Variants in CASQ2 observed in about 807,000 individuals in gnomAD.
CASQ2 encodes calsequestrin 2.
Under a neutral mutation model 46.5 loss-of-function variants are expected in CASQ2, and 49 were observed. The ratio of observed to expected loss-of-function variants is 1.05; its 90% CI spans 0.84 to 1.34. CASQ2 has a LOEUF of 1.34. Ranked by LOEUF, CASQ2 falls within the 40% of genes most tolerant of loss-of-function variation. The probability of loss-of-function intolerance (pLI) is 0.00; values close to 1 mark genes in which losing one functional copy is unlikely to be tolerated. For missense variants in CASQ2, 486 were observed against 481.3 expected (o/e 1.01, Z -0.09); for synonymous variants, 174 against 168.5 (o/e 1.03, Z -0.25).
chr1:115,747,056 T>C (rs1016001315), intron 1 of CASQ2, among the ~76,000 whole-genome samples: 13 of 152,312 alleles, frequency 8.5e-5, no homozygotes, highest in African/African-American at 3.1e-4. Flanking sequence ...GTCCAAGAAC[T>C]CTTTGTCTAG....
chr1:115,737,935 G>T lies in CASQ2; in HGVS notation c.532+289C>A, dbSNP rs181575609. 4.1e-4 allele frequency among the ~76,000 whole-genome samples: 63 copies of T among 152,322 alleles called. 1 individual carries two copies. The East Asian group carries it at 0.011, about 27-fold the overall frequency. On this transcript the variant is annotated intron_variant, in intron 4 of 10. Coordinates refer to ENST00000261448, the MANE Select transcript of CASQ2 (RefSeq NM_001232.4). ...ATTGTAGGGGAGAATCCGACTGGGA[G>T]GTGGGTAGGCAGGAAAAGTGGAGAA...
chr1:115,760,080 C>A (rs12744662), intron 1 of CASQ2, among the ~76,000 whole-genome samples: 17,090 of 152,184 alleles, frequency 0.11, 1,068 homozygotes, highest in South Asian at 0.23. Flanking sequence ...CCCCGGGAGG[C>A]CTGGCTGAGT....
chr1:115,734,012 GCATGATAGTTGTTACAA>G (rs1183311312), intron 4 of CASQ2, among the ~76,000 whole-genome samples: 1 of 152,188 alleles, frequency 6.6e-6, no homozygotes, highest in African/African-American at 2.4e-5. Flanking sequence ...TCAAAATGCA[GCATGATAGTTGTTACAA>G]CAGAGGTGAG....
chr1:115,720,830 T>A (rs1647347883), intron 7 of CASQ2, among the ~76,000 whole-genome samples: 1 of 152,222 alleles, frequency 6.6e-6, no homozygotes, highest in Non-Finnish European at 1.5e-5. Flanking sequence ...TTAGCTTTTA[T>A]AACCTCATTG....
intron 2 of CASQ2, among the ~76,000 whole-genome samples, chr1:115,741,530 G>GGTA (rs1246122226): frequency 1.3e-5 from 2 of 152,104 alleles, no homozygotes; most frequent in Non-Finnish European, 2.9e-5. Context: ...GTTCTCTGAG[G>GGTA]GTAGGATCAT....
chr1:115,750,599 C>A (rs1169399892), intron 1 of CASQ2, among the ~76,000 whole-genome samples: 2 of 152,190 alleles, frequency 1.3e-5, no homozygotes, highest in African/African-American at 4.8e-5. Context: ...GCCTTGACCT[C>A]CCAGGTTCAA....
intron 10 of CASQ2, 75 bp downstream of exon 10, chr1:115,702,846 T>G: frequency 8.6e-7 from 1 of 1,168,560 alleles, no homozygotes; most frequent in Non-Finnish European, 1.3e-6. Context: ...ATAGATGCTC[T>G]CACAATCTAA....
chr1:115,705,498 G>T (rs1654332011), intron 8 of CASQ2, among the ~76,000 whole-genome samples: 1 of 152,174 alleles, frequency 6.6e-6, no homozygotes, highest in Admixed American at 6.5e-5. Context: ...TTGAACAAAG[G>T]ATTAAAAGTT....
At chr1:115,727,426 T>C (rs1189628939) in intron 5 of CASQ2, among the ~76,000 whole-genome samples, 1 of 152,228 alleles carries the variant, frequency 6.6e-6, no homozygotes, top group Non-Finnish European at 1.5e-5. Context: ...ACCATCACTC[T>C]ACTGCATTTG....
chr1:115,720,262 T>C (rs1341050711), intron 7 of CASQ2, among the ~76,000 whole-genome samples: 1 of 152,086 alleles, frequency 6.6e-6, no homozygotes, highest in Non-Finnish European at 1.5e-5. Context: ...AGATTTGGTG[T>C]CTCGCGAGGC....
chr1:115,752,772 T>G (rs1239540598), intron 1 of CASQ2, among the ~76,000 whole-genome samples: 1 of 152,106 alleles, frequency 6.6e-6, no homozygotes, highest in East Asian at 1.9e-4. Context: ...ATGACTAAGT[T>G]GTGTTTGGCA....
chr1:115,728,001 G>A (rs1570818661), intron 5 of CASQ2, among the ~76,000 whole-genome samples: 1 of 152,302 alleles, frequency 6.6e-6, no homozygotes, highest in East Asian at 1.9e-4. Flanking sequence ...CCTGGAATGT[G>A]CAACGCTCTA....
chr1:115,720,143 G>A (rs1034773972), intron 7 of CASQ2, among the ~76,000 whole-genome samples: 2 of 152,190 alleles, frequency 1.3e-5, no homozygotes, highest in African/African-American at 4.8e-5. Context: ...AAAGCCCACT[G>A]TCTTGGTTTA....
chr1:115,746,528 C>T (rs941187194), intron 1 of CASQ2, among the ~76,000 whole-genome samples: 3 of 152,100 alleles, frequency 2.0e-5, no homozygotes, highest in African/African-American at 4.8e-5. Flanking sequence ...GTCATTTTGA[C>T]GGGTATGTAG....
chr1:115,760,162 A>G (rs1307545905), intron 1 of CASQ2, among the ~76,000 whole-genome samples: 1 of 152,204 alleles, frequency 6.6e-6, no homozygotes, highest in Admixed American at 6.5e-5. Flanking sequence ...AATTAGAGCT[A>G]TACTGACAGT....
At chr1:115,753,609 T>G (rs1274161395) in intron 1 of CASQ2, among the ~76,000 whole-genome samples, 1 of 152,194 alleles carries the variant, frequency 6.6e-6, no homozygotes, top group Non-Finnish European at 1.5e-5. Flanking sequence ...CGCCCTGTGC[T>G]GCGTGACTGC....
chr1:115,747,495 T>C (rs974897669), intron 1 of CASQ2, among the ~76,000 whole-genome samples: 4 of 152,222 alleles, frequency 2.6e-5, no homozygotes, highest in Non-Finnish European at 4.4e-5. Flanking sequence ...CAGAATAATC[T>C]TGTTTATACA....
At chr1:115,757,715 T>TA (rs1174119888) in intron 1 of CASQ2, among the ~76,000 whole-genome samples, 6 of 151,940 alleles carry the variant, frequency 3.9e-5, no homozygotes, top group Admixed American at 1.3e-4. Flanking sequence ...TCCCATGGCT[T>TA]AAAAAAAATC....
At chr1:115,761,403 AAG>A (rs1438658756) in intron 1 of CASQ2, among the ~76,000 whole-genome samples, 8 of 98 alleles carry the variant, frequency 0.082, no homozygotes, top group Admixed American at 0.25. Flanking sequence ...TCAAAAAAAA[AAG>A]AAGAAGAAGA....
Sources: allele counts gnomAD v4.1 joint callset (sites outside exome capture counted in the v4.1 genomes callset), GRCh38; gene constraint gnomAD v4.1.1; transcripts MANE v1.5; gene names NCBI Gene and HGNC (gene_info 2026-07-23, HGNC 2026-07-21).